The following KIAA1328 variants were observed in gnomAD, a reference collection of about 807,000 sequenced individuals.
KIAA1328 encodes the protein protein hinderin.
In KIAA1328, 52 loss-of-function variants were observed where a neutral mutation model predicts 68.1. The ratio of observed to expected loss-of-function variants is 0.76; its 90% CI spans 0.61 to 0.96. The LOEUF (loss-of-function observed/expected upper bound fraction) is 0.96. KIAA1328 is among the 40% of genes least tolerant of loss of function. The pLI, the probability that KIAA1328 is intolerant of heterozygous loss-of-function variation, is 0.00. For synonymous variants in KIAA1328, 232 were observed against 239.4 expected (o/e 0.97, Z 0.28); for missense variants, 641 against 677.6 (o/e 0.95, Z 0.60).
chr18:36,900,727 A>G (rs796880603), intron 5 of KIAA1328, among the ~76,000 whole-genome samples: 26 of 152,128 alleles, frequency 1.7e-4, no homozygotes, highest in African/African-American at 6.0e-4. Context: ...AGCCTTGGAA[A>G]TAGTGTCTTT....
intron 4 of KIAA1328, among the ~76,000 whole-genome samples, chr18:36,847,332 T>C (rs1432541910): frequency 6.6e-6 from 1 of 151,534 alleles, no homozygotes; most frequent in Admixed American, 6.6e-5. Context: ...CCCAACCGCT[T>C]CCCAATGTGA....
Position 37,113,051 on chromosome 18 carries a change from A to G in KIAA1328, c.1232+45506A>G, listed in dbSNP as rs1466770440. On this transcript the variant is annotated intron_variant, in intron 7 of 9. Transcript: ENST00000280020. ...CGTTTGACTGGTGTACCTGAAAGGG[A>G]CGGGGAGAATGGAACCAAGTTGGAA... 2.6e-5 allele frequency among the ~76,000 whole-genome samples: 4 copies of G among 152,206 alleles called. No homozygotes were observed. In the South Asian group the frequency reaches 8.3e-4, roughly 31 times the overall value.
chr18:37,175,566 T>C (rs1014348518), intron 9 of KIAA1328, among the ~76,000 whole-genome samples: 3 of 152,028 alleles, frequency 2.0e-5, no homozygotes, highest in African/African-American at 7.2e-5. Context: ...GATGACATCA[T>C]ACAGGTCTCT....
intron 9 of KIAA1328, among the ~76,000 whole-genome samples, chr18:37,208,492 G>A (rs2060257101): frequency 1.3e-5 from 2 of 152,146 alleles, no homozygotes; most frequent in South Asian, 2.1e-4. Context: ...AATTGGAGGC[G>A]AATATTGTGA....
intron 5 of KIAA1328, among the ~76,000 whole-genome samples, chr18:36,930,965 C>A (rs1362769380): frequency 6.6e-6 from 1 of 152,020 alleles, no homozygotes; most frequent in Non-Finnish European, 1.5e-5. Flanking sequence ...ATTTTTCTTT[C>A]TGAGCTTAGG....
At chr18:37,038,792 A>G (rs906503686) in intron 6 of KIAA1328, among the ~76,000 whole-genome samples, 2 of 152,186 alleles carry the variant, frequency 1.3e-5, no homozygotes, top group African/African-American at 4.8e-5. Flanking sequence ...TCTTGGAGGA[A>G]AAGCATTGTC....
chr18:36,917,903 C>G (rs766425473), intron 5 of KIAA1328, among the ~76,000 whole-genome samples: 1 of 152,282 alleles, frequency 6.6e-6, no homozygotes, highest in Non-Finnish European at 1.5e-5. Flanking sequence ...TCAGTCCCTT[C>G]TAGTTGGCAC....
intron 9 of KIAA1328, chr18:37,193,795 G>A (rs188552064): frequency 1.7e-6 from 1 of 597,464 alleles, no homozygotes; most frequent in Non-Finnish European, 3.0e-6. Flanking sequence ...AATTCATAGG[G>A]TATATTTTCT....
chr18:36,973,595 C>T (rs1005801649), intron 6 of KIAA1328, among the ~76,000 whole-genome samples: 1 of 152,162 alleles, frequency 6.6e-6, no homozygotes, highest in South Asian at 2.1e-4. Flanking sequence ...CTATACACTC[C>T]ATTTAAAATT....
At chr18:37,184,477 C>G (rs2059757008) in intron 9 of KIAA1328, among the ~76,000 whole-genome samples, 1 of 152,182 alleles carries the variant, frequency 6.6e-6, no homozygotes, top group Admixed American at 6.5e-5. Flanking sequence ...TATCACAGAC[C>G]TTTTCCTAAA....
intron 8 of KIAA1328, among the ~76,000 whole-genome samples, 193 bp from the exon 9 acceptor site, chr18:37,172,780 A>C (rs1306532663): frequency 6.6e-6 from 1 of 152,170 alleles, no homozygotes; most frequent in Admixed American, 6.5e-5. Context: ...TATTTTCTTA[A>C]AGCGCATTAT....
At position 37,224,410 on chromosome 18, in the gene KIAA1328, G is replaced by C. The variant is rs943590816; in HGVS notation, c.*2183G>C. 1.3e-5 allele frequency: 13 copies of C among 985,220 alleles called. No individual in the cohort carries two copies. Among genetic ancestry groups the C allele is most frequent in the Non-Finnish European group, 7.2e-6 (6 of 829,926 alleles). The allele number at this position is 985,220 out of a possible 1,614,324, so 61.0% of individuals were successfully genotyped here. ...GGCCAATTTGGAAAAGCAGAGATGG[G>C]CTTTCAGCAGAATATCAACCAATAC... On this transcript the variant is annotated 3_prime_UTR_variant, in exon 10 of 10. Coordinates refer to ENST00000280020, the MANE Select transcript of KIAA1328 (RefSeq NM_020776.3).
intron 4 of KIAA1328, among the ~76,000 whole-genome samples, chr18:36,875,426 C>T (rs1390966001): frequency 6.6e-6 from 1 of 152,164 alleles, no homozygotes; most frequent in African/African-American, 2.4e-5. Context: ...CTCTTTGTAG[C>T]AATGGTGAAT....
intron 4 of KIAA1328, among the ~76,000 whole-genome samples, chr18:36,879,661 G>A (rs1297671953): frequency 2.0e-5 from 3 of 152,184 alleles, no homozygotes; most frequent in Admixed American, 6.5e-5. Context: ...TCTGACCCAG[G>A]GAGATGGGAG....
chr18:37,126,277 T>C (rs1050088365), intron 7 of KIAA1328, among the ~76,000 whole-genome samples: 10 of 152,188 alleles, frequency 6.6e-5, no homozygotes, highest in Non-Finnish European at 1.2e-4. Context: ...CTTCTAGTCC[T>C]AAACATTTCA....
chr18:37,129,000 G>A (rs570869293), intron 7 of KIAA1328, among the ~76,000 whole-genome samples: 3 of 152,260 alleles, frequency 2.0e-5, no homozygotes, highest in Admixed American at 1.3e-4. Flanking sequence ...CTAGGAGCTG[G>A]GGATGGAGTA....
chr18:36,829,197 G>A lies in KIAA1328; in HGVS notation c.58+1G>A. 5 of 1,528,118 alleles carry A rather than the reference G, an allele frequency of 3.3e-6. No homozygotes were observed. The highest frequency in any genetic ancestry group is 4.4e-6 in the Non-Finnish European group (5 of 1,139,764). 94.7% of individuals were successfully genotyped at this position (1,528,118 alleles called of 1,614,324 possible). On this transcript the variant is annotated splice_donor_variant, in intron 1 of 9. Coordinates refer to ENST00000280020, the MANE Select transcript of KIAA1328 (RefSeq NM_020776.3). LOFTEE classifies it high-confidence loss of function. The stretch of plus-strand genomic sequence containing the variant: ...GCCGCGGCGTTCTGGAGCCGGGACT[G>A]TATCCTTTGCCCGCCTGACAGGGGG...
At chr18:37,077,587 C>T (rs552162744) in intron 7 of KIAA1328, among the ~76,000 whole-genome samples, 13 of 152,072 alleles carry the variant, frequency 8.5e-5, no homozygotes, top group East Asian at 1.9e-4. Flanking sequence ...GAAAACTCAT[C>T]GACTCAGCCC....
At chr18:37,024,084 C>T (rs547459665) in intron 6 of KIAA1328, among the ~76,000 whole-genome samples, 6 of 152,108 alleles carry the variant, frequency 3.9e-5, no homozygotes, top group Non-Finnish European at 8.8e-5. Context: ...TAGCCTCAAC[C>T]TCCTGGGTTC....
Sources: allele counts gnomAD v4.1 joint callset (sites outside exome capture counted in the v4.1 genomes callset), GRCh38; gene constraint gnomAD v4.1.1; transcripts MANE v1.5; gene names NCBI Gene and HGNC (gene_info 2026-07-23, HGNC 2026-07-21).